The following SNTG2 variants were observed in gnomAD, a reference collection of about 807,000 sequenced individuals.
The protein encoded by SNTG2 is gamma-2-syntrophin.
A neutral mutation model predicts 70.9 loss-of-function variants in SNTG2; 74 were observed. That is an observed-to-expected ratio of 1.04 (90% CI 0.86 to 1.27). The LOEUF (loss-of-function observed/expected upper bound fraction) is 1.27. Ranked by LOEUF, SNTG2 falls within the 50% of genes most tolerant of loss-of-function variation. The pLI is 0.00. For missense variants in SNTG2, 717 were observed against 690.7 expected (o/e 1.04, Z -0.43); for synonymous variants, 278 against 273.8 (o/e 1.02, Z -0.15).
chr2:951,683 G>C (rs1160167090), intron 1 of SNTG2, among the ~76,000 whole-genome samples: 2 of 152,148 alleles, frequency 1.3e-5, no homozygotes, highest in Non-Finnish European at 2.9e-5. Flanking sequence ...CTAAACTATT[G>C]ATTGACAGAA....
At chr2:1,081,934 TC>T (rs1378824690) in intron 1 of SNTG2, among the ~76,000 whole-genome samples, 2 of 152,230 alleles carry the variant, frequency 1.3e-5, no homozygotes, top group Admixed American at 6.5e-5. Flanking sequence ...GTGAGCACAG[TC>T]CTGCATGTGT....
chr2:1,021,466 A>T (rs1660170236), intron 1 of SNTG2, among the ~76,000 whole-genome samples: 1 of 152,224 alleles, frequency 6.6e-6, no homozygotes, highest in Non-Finnish European at 1.5e-5. Flanking sequence ...GGGTATTTGG[A>T]AACCAAAAGC....
chr2:1,251,764 C>T (rs759135679), intron 12 of SNTG2, among the ~76,000 whole-genome samples: 5 of 149,286 alleles, frequency 3.3e-5, no homozygotes, highest in Admixed American at 6.7e-5. Flanking sequence ...ACACACTACA[C>T]GCACACCACA....
At position 1,112,256 on chromosome 2, in the gene SNTG2, A is replaced by G. The variant is rs534398666; in HGVS notation, c.325+13846A>G. 2.0e-3 allele frequency among the ~76,000 whole-genome samples: 291 copies of G among 145,178 alleles called. 7 individuals carry two copies. Among genetic ancestry groups the G allele is most frequent in the African/African-American group, 7.2e-3 (277 of 38,440 alleles). ...GGTTTAACCCTTGCAGTCGTTTGAG[A>G]AGGATCGTGAGTACTAAGTGAGGTT... On this transcript the variant is annotated intron_variant, in intron 4 of 16. Transcript: ENST00000308624.
intron 1 of SNTG2, among the ~76,000 whole-genome samples, chr2:985,225 G>A (rs1461678151): frequency 6.6e-6 from 1 of 151,980 alleles, no homozygotes; most frequent in East Asian, 1.9e-4. Flanking sequence ...AATTTATATC[G>A]GGTTCCATCA....
chr2:1,061,755 G>T (rs1662839960), intron 1 of SNTG2, among the ~76,000 whole-genome samples: 1 of 152,156 alleles, frequency 6.6e-6, no homozygotes, highest in Non-Finnish European at 1.5e-5. Context: ...GCTGGATAAC[G>T]TGTTAGCTTG....
intron 11 of SNTG2, among the ~76,000 whole-genome samples, chr2:1,246,659 A>G (rs927506435): frequency 2.6e-5 from 4 of 152,332 alleles, no homozygotes; most frequent in South Asian, 2.1e-4. Context: ...TTATAATGAA[A>G]TTACTCCTGG....
At chr2:1,133,015 G>C (rs1668128365) in intron 4 of SNTG2, among the ~76,000 whole-genome samples, 1 of 152,152 alleles carries the variant, frequency 6.6e-6, no homozygotes, top group African/African-American at 2.4e-5. Flanking sequence ...TCTCTGCTCA[G>C]TGTCTAATCA....
At chr2:1,325,014 A>G (rs1243269292) in intron 16 of SNTG2, among the ~76,000 whole-genome samples, 1 of 152,214 alleles carries the variant, frequency 6.6e-6, no homozygotes, top group Non-Finnish European at 1.5e-5. Flanking sequence ...AAGGTCAGGA[A>G]TCTTGTAAGG....
intron 6 of SNTG2, among the ~76,000 whole-genome samples, chr2:1,150,193 G>T (rs970373368): frequency 3.3e-5 from 5 of 152,164 alleles, no homozygotes; most frequent in African/African-American, 1.2e-4. Context: ...CCTGGTGGAG[G>T]TCTGTGTGGA....
intron 14 of SNTG2, among the ~76,000 whole-genome samples, chr2:1,271,437 G>C (rs1482003801): frequency 6.6e-6 from 1 of 151,628 alleles, no homozygotes; most frequent in South Asian, 2.1e-4. Flanking sequence ...GCAATGTCCT[G>C]TTAGAATTTA....
intron 1 of SNTG2, among the ~76,000 whole-genome samples, chr2:1,071,005 T>C (rs1427852100): frequency 6.6e-6 from 1 of 152,070 alleles, no homozygotes; most frequent in Admixed American, 6.5e-5. Flanking sequence ...ATTCAATGCG[T>C]TGGCAATACT....
chr2:1,005,813 ATATATATATAT>A (rs1659546876), intron 1 of SNTG2, among the ~76,000 whole-genome samples: 3 of 812 alleles, frequency 3.7e-3, no homozygotes, highest in African/African-American at 0.014. Flanking sequence ...CAAAATATAT[ATATATATATAT>A]ATATATATAT....
chr2:1,173,179 C>T lies in SNTG2; in HGVS notation c.587C>T (p.Thr196Ile). 1 of 1,613,398 alleles carries T rather than the reference C, an allele frequency of 6.2e-7. No homozygotes were observed. The stretch of plus-strand genomic sequence containing the variant: ...TTGCATCTGAACGGAAACTCCAGTA[C>T]CACAGTAAGCATATAGATTTTTGTT... ...SGLHLNGNSS[T>I]TAPSSPSSPI... is the part of the protein sequence containing the mutation. The change falls in exon 8 of 17, where the codon ACC becomes ATC. Residue 196 changes from threonine to isoleucine, a missense_variant. Coordinates refer to ENST00000308624, the MANE Select transcript of SNTG2 (RefSeq NM_018968.4).
At chr2:1,191,924 A>G (rs1331187705) in intron 8 of SNTG2, among the ~76,000 whole-genome samples, 1 of 152,130 alleles carries the variant, frequency 6.6e-6, no homozygotes, top group Non-Finnish European at 1.5e-5. Context: ...TGTATATATA[A>G]AATACAAATA....
intron 4 of SNTG2, among the ~76,000 whole-genome samples, chr2:1,109,565 C>T (rs1666306590): frequency 6.6e-6 from 1 of 152,106 alleles, no homozygotes; most frequent in Admixed American, 6.5e-5. Flanking sequence ...TTATGAGTTG[C>T]CCAGTTTTAC....
chr2:1,309,188 A>C lies in SNTG2; in HGVS notation c.1377+602A>C, dbSNP rs73908839. 3.9e-3 allele frequency among the ~76,000 whole-genome samples: 597 copies of C among 152,354 alleles called. 3 individuals are homozygous for C. The highest frequency in any genetic ancestry group is 0.014 in the African/African-American group (580 of 41,574). On this transcript the variant is annotated intron_variant, in intron 15 of 16. Coordinates refer to ENST00000308624, the MANE Select transcript of SNTG2 (RefSeq NM_018968.4). ...TACGGTTGTTAAAAAAAATTTCAACAAATCGAGTTGAAAGACTTACTTGTC... is the reference window on the plus strand; with the variant it reads ...TACGGTTGTTAAAAAAAATTTCAACCAATCGAGTTGAAAGACTTACTTGTC...
At chr2:1,203,790 A>G (rs1325655892) in intron 8 of SNTG2, among the ~76,000 whole-genome samples, 1 of 151,912 alleles carries the variant, frequency 6.6e-6, no homozygotes, top group Non-Finnish European at 1.5e-5. Flanking sequence ...TCAACAACAT[A>G]TTAACAAATC....
chr2:1,007,253 G>A (rs1395951519), intron 1 of SNTG2, among the ~76,000 whole-genome samples: 3 of 152,004 alleles, frequency 2.0e-5, no homozygotes, highest in Non-Finnish European at 4.4e-5. Context: ...TTAGACAGGC[G>A]ACCTGAGTTC....
Sources: allele counts gnomAD v4.1 joint callset (sites outside exome capture counted in the v4.1 genomes callset), GRCh38; gene constraint gnomAD v4.1.1; transcripts MANE v1.5; gene names NCBI Gene and HGNC (gene_info 2026-07-23, HGNC 2026-07-21).